The following ELOVL6 variants were observed in gnomAD, a reference collection of about 807,000 sequenced individuals.
ELOVL6 encodes the protein ELOVL fatty acid elongase 6.
In ELOVL6, 8 loss-of-function variants were observed where a neutral mutation model predicts 31.7. The observed-to-expected ratio is 0.25, with a 90% CI of 0.15 to 0.45. The LOEUF is 0.45. Among genes scored for constraint, ELOVL6 ranks in the 20% least tolerant of loss-of-function variants. The probability of loss-of-function intolerance (pLI) is 1.00; values close to 1 mark genes in which losing one functional copy is unlikely to be tolerated. For missense variants in ELOVL6, 126 were observed against 326.4 expected (o/e 0.39, Z 4.73); for synonymous variants, 101 against 117.7 (o/e 0.86, Z 0.92).
rs78134349 is a variant in ELOVL6, at chr4:110,133,184, A to G, written c.90-27556T>C. ...GGAGTGTCATGGGTCAGGGGTAGAG[A>G]AAAGAGAGGAAGTTAAGTGTCACAG... On this transcript the variant is annotated intron_variant, in intron 1 of 3. Coordinates refer to ENST00000302274, the MANE Select transcript of ELOVL6 (RefSeq NM_024090.3). Among the ~76,000 whole-genome samples the G allele has an allele frequency of 9.1e-3, 1,379 of 152,238 alleles. 25 individuals carry two copies. Among genetic ancestry groups the G allele is most frequent in the African/African-American group, 0.031 (1,307 of 41,536 alleles).
chr4:110,097,559 T>A (rs1288356607), intron 2 of ELOVL6, among the ~76,000 whole-genome samples: 1 of 152,134 alleles, frequency 6.6e-6, no homozygotes, highest in Non-Finnish European at 1.5e-5. Flanking sequence ...GTGCTTCACT[T>A]TTCTCTTGGT....
chr4:110,086,741 G>A (rs535687683), intron 2 of ELOVL6, among the ~76,000 whole-genome samples: 10 of 152,036 alleles, frequency 6.6e-5, no homozygotes, highest in Admixed American at 6.5e-4. Context: ...AGTTAGACAC[G>A]ACAAAAAGTT....
intron 1 of ELOVL6, among the ~76,000 whole-genome samples, chr4:110,173,670 AAAT>A (rs148753272): frequency 0.2 from 28,735 of 140,674 alleles, 3,074 homozygotes; most frequent in South Asian, 0.23. Context: ...AGGTAAAGGA[AAAT>A]AATAATAATA....
chr4:110,175,711 GTTACA>G (rs1759082785), intron 1 of ELOVL6, among the ~76,000 whole-genome samples: 1 of 152,264 alleles, frequency 6.6e-6, no homozygotes, highest in Non-Finnish European at 1.5e-5. Context: ...TAGCCCTAGA[GTTACA>G]TTACATCTAT....
At chr4:110,122,117 A>G (rs1222267491) in intron 1 of ELOVL6, among the ~76,000 whole-genome samples, 1 of 152,220 alleles carries the variant, frequency 6.6e-6, no homozygotes, top group Non-Finnish European at 1.5e-5. Context: ...GCTGTCCAAA[A>G]GGACAATGGC....
intron 2 of ELOVL6, among the ~76,000 whole-genome samples, chr4:110,075,723 A>G (rs1340716900): frequency 6.6e-6 from 1 of 152,242 alleles, no homozygotes; most frequent in Non-Finnish European, 1.5e-5. Context: ...AACTATACAC[A>G]TAAAATGGTT....
In ELOVL6 at chr4:110,068,076, TAATA is replaced by T. The variant is rs574071453; in HGVS notation, c.222-8326_222-8323del. 7.2e-5 allele frequency among the ~76,000 whole-genome samples: 11 copies of T among 152,238 alleles called. No homozygotes were observed. In the South Asian group the frequency reaches 2.3e-3, roughly 32 times the overall value. Reference sequence around the variant, plus strand: ...CAATCAATAACTGAAAAAAGGACAGTAATAAATAAATTAAAACTAAAATACATAA... The same window carrying T: ...CAATCAATAACTGAAAAAAGGACAGTAATAAATTAAAACTAAAATACATAA... On this transcript the variant is annotated intron_variant, in intron 2 of 3. Transcript: ENST00000302274.
chr4:110,116,877 CCTT>C (rs1425160297), intron 1 of ELOVL6, among the ~76,000 whole-genome samples: 2 of 152,216 alleles, frequency 1.3e-5, no homozygotes, highest in African/African-American at 2.4e-5. Flanking sequence ...GATGGCAACT[CCTT>C]CTTTCCTGCA....
chr4:110,195,893 A>G (rs1032022578), intron 1 of ELOVL6, among the ~76,000 whole-genome samples: 1 of 152,248 alleles, frequency 6.6e-6, no homozygotes, highest in Non-Finnish European at 1.5e-5. Context: ...ATGGTCTGTA[A>G]GTTAATAACC....
rs777333964 is a variant in ELOVL6 at position 110,084,135 on chromosome 4, A to ACATATATG, written c.221+21361_221+21362insCATATATG. 2.0e-3 allele frequency among the ~76,000 whole-genome samples: 71 copies of ACATATATG among 35,298 alleles called. 8 individuals carry two copies. The highest frequency in any genetic ancestry group is 0.014 in the African/African-American group (59 of 4,108). The allele number at this position is 35,298 out of a possible 152,430, so 23.2% of individuals were successfully genotyped here. A position where few individuals can be genotyped will look rare whatever the true frequency, so the allele number is the denominator to read the frequency against. ...TGATATATATAACATATATGTGATA[A>ACATATATG]TGATATATATGATATATATAACATA... On this transcript the variant is annotated intron_variant, in intron 2 of 3. Coordinates refer to ENST00000302274, the MANE Select transcript of ELOVL6 (RefSeq NM_024090.3).
chr4:110,196,873 G>C (rs929909897), intron 1 of ELOVL6, among the ~76,000 whole-genome samples: 1 of 152,094 alleles, frequency 6.6e-6, no homozygotes, highest in Non-Finnish European at 1.5e-5. Flanking sequence ...GAGTGGGCGC[G>C]CTCCGGCCGG....
intron 2 of ELOVL6, among the ~76,000 whole-genome samples, chr4:110,086,627 T>C (rs1295621977): frequency 2.0e-5 from 3 of 152,318 alleles, no homozygotes; most frequent in Non-Finnish European, 4.4e-5. Context: ...ATGACCACTA[T>C]TGGTTAATTA....
intron 2 of ELOVL6, among the ~76,000 whole-genome samples, chr4:110,081,400 G>A (rs1185258821): frequency 2.6e-5 from 4 of 152,120 alleles, no homozygotes; most frequent in Admixed American, 2.6e-4. Flanking sequence ...CAGAGATATA[G>A]ACCAATGGAA....
intron 1 of ELOVL6, among the ~76,000 whole-genome samples, chr4:110,132,514 A>C (rs540173035): frequency 6.6e-6 from 1 of 152,042 alleles, no homozygotes; most frequent in Admixed American, 6.6e-5. Flanking sequence ...TGTTAGTTTG[A>C]TGGGGAGTCA....
At position 110,198,372 on chromosome 4, in the gene ELOVL6, A is replaced by G. The variant is rs1412142187; in HGVS notation, c.-37T>C. 1 of 1,254,148 alleles carries G rather than the reference A, an allele frequency of 8.0e-7. No individual in the cohort carries two copies. Among genetic ancestry groups the G allele is most frequent in the Non-Finnish European group, 1.2e-6 (1 of 862,152 alleles). 77.7% of individuals were successfully genotyped at this position (1,254,148 alleles called of 1,614,324 possible). A position where few individuals can be genotyped will look rare whatever the true frequency, so the allele number is the denominator to read the frequency against. On this transcript the variant is annotated 5_prime_UTR_variant, in exon 1 of 4. Transcript: ENST00000302274. ...TTCGGAGTCGCTACGTGTTCTCTATACAAAATAAAATAATCTGTAAAGCGC... is the reference window on the plus strand; with the variant it reads ...TTCGGAGTCGCTACGTGTTCTCTATGCAAAATAAAATAATCTGTAAAGCGC...
At chr4:110,085,089 A>C (rs1756212060) in intron 2 of ELOVL6, among the ~76,000 whole-genome samples, 1 of 152,200 alleles carries the variant, frequency 6.6e-6, no homozygotes, top group African/African-American at 2.4e-5. Context: ...CTTTCAGACC[A>C]TGTTGAGTTT....
chr4:110,166,442 T>C (rs1208752336), intron 1 of ELOVL6, among the ~76,000 whole-genome samples: 6 of 151,842 alleles, frequency 4.0e-5, no homozygotes, highest in Non-Finnish European at 7.4e-5. Context: ...TGAAACCCCA[T>C]CTCTACTAAA....
At chr4:110,068,971 GTC>G (rs1433172222) in intron 2 of ELOVL6, among the ~76,000 whole-genome samples, 1 of 152,002 alleles carries the variant, frequency 6.6e-6, no homozygotes, top group Non-Finnish European at 1.5e-5. Context: ...GGCGAAACCT[GTC>G]TCTACTAAAA....
chr4:110,093,247 A>C, intron 2 of ELOVL6: 1 of 295,892 alleles, frequency 3.4e-6, no homozygotes, highest in South Asian at 3.0e-5. Context: ...ACATTAAATT[A>C]TGAGGCACCA....
Sources: allele counts gnomAD v4.1 joint callset (sites outside exome capture counted in the v4.1 genomes callset), GRCh38; gene constraint gnomAD v4.1.1; transcripts MANE v1.5; gene names NCBI Gene and HGNC (gene_info 2026-07-23, HGNC 2026-07-21).